FSHR: variants seen among roughly 807,000 people sequenced by gnomAD.
The protein encoded by FSHR is follicle-stimulating hormone receptor.
A neutral mutation model predicts 52.1 loss-of-function variants in FSHR; 46 were observed. The ratio of observed to expected loss-of-function variants is 0.88; its 90% CI spans 0.70 to 1.13. FSHR has a LOEUF of 1.13. Ranked by LOEUF, FSHR falls within the 50% of genes most tolerant of loss-of-function variation. The pLI is 0.00. For synonymous variants in FSHR, 399 were observed against 309.6 expected (o/e 1.29, Z -3.03); for missense variants, 964 against 834.6 (o/e 1.16, Z -1.91).
At position 49,066,699 on chromosome 2, in the gene FSHR, C is replaced by A. The variant is rs146108731; in HGVS notation, c.224+1520G>T. On this transcript the variant is annotated intron_variant, in intron 2 of 9. Transcript: ENST00000406846. ...TGTTGATATGTCAGCTCAGCTCAAC[C>A]ATTCGTATTGCCACAGGAAGGTTTG... Among the ~76,000 whole-genome samples the A allele has an allele frequency of 2.0e-5, 3 of 152,208 alleles. No homozygotes were observed. In the East Asian group the frequency reaches 5.8e-4, roughly 29 times the overall value.
At chr2:49,140,020 G>A (rs371305742) in intron 1 of FSHR, among the ~76,000 whole-genome samples, 1 of 152,158 alleles carries the variant, frequency 6.6e-6, no homozygotes, top group Non-Finnish European at 1.5e-5. Context: ...GGGGGCAACT[G>A]AGCCAGCTTA....
chr2:48,989,076 T>C (rs1404799583), intron 5 of FSHR, 22 bp from the exon 6 acceptor site: 6 of 1,589,116 alleles, frequency 3.8e-6, no homozygotes, highest in Non-Finnish European at 5.2e-6. Context: ...TACAGACAAA[T>C]AAGATACTTA....
At chr2:49,049,824 AATAT>A (rs5831020) in intron 2 of FSHR, among the ~76,000 whole-genome samples, 7,794 of 144,790 alleles carry the variant, frequency 0.054, 852 homozygotes, top group African/African-American at 0.2. Context: ...CCCCTACTCT[AATAT>A]ATATATATAT....
chr2:48,997,528 G>T (rs1676075824), intron 4 of FSHR, among the ~76,000 whole-genome samples: 1 of 151,802 alleles, frequency 6.6e-6, no homozygotes, highest in South Asian at 2.1e-4. Context: ...GGTGCCAGAT[G>T]GTCTGGTTTC....
chr2:49,061,182 C>G (rs1187332950), intron 2 of FSHR, among the ~76,000 whole-genome samples: 1 of 152,076 alleles, frequency 6.6e-6, no homozygotes, highest in Non-Finnish European at 1.5e-5. Context: ...ACATCTAATC[C>G]TGCCAAGGAG....
intron 1 of FSHR, among the ~76,000 whole-genome samples, chr2:49,128,385 A>G (rs184352037): frequency 4.1e-4 from 63 of 152,320 alleles, no homozygotes; most frequent in Admixed American, 6.5e-5. Context: ...AGCTTGAAAA[A>G]GATTTTACTA....
At chr2:48,981,397 G>A (rs2104059089) in intron 8 of FSHR, among the ~76,000 whole-genome samples, 1 of 152,302 alleles carries the variant, frequency 6.6e-6, no homozygotes, top group Admixed American at 6.5e-5. Context: ...TTATGTGTGT[G>A]TGTGTGTTTT....
chr2:49,127,628 T>G (rs1672054922), intron 1 of FSHR, among the ~76,000 whole-genome samples: 1 of 151,816 alleles, frequency 6.6e-6, no homozygotes, highest in African/African-American at 2.4e-5. Flanking sequence ...CGATGAAGCT[T>G]TCCTTCTCTG....
intron 2 of FSHR, among the ~76,000 whole-genome samples, chr2:49,046,655 A>G (rs1668668647): frequency 6.6e-6 from 1 of 152,194 alleles, no homozygotes; most frequent in Admixed American, 6.5e-5. Context: ...CTTCATCTTT[A>G]TTGCTCACAG....
At chr2:48,978,813 C>A (rs1675109052) in intron 8 of FSHR, among the ~76,000 whole-genome samples, 1 of 152,204 alleles carries the variant, frequency 6.6e-6, no homozygotes, top group African/African-American at 2.4e-5. Context: ...CCCTTGCACC[C>A]TCAGGTGTTC....
chr2:48,979,214 G>A (rs1675127581), intron 8 of FSHR, among the ~76,000 whole-genome samples: 1 of 152,080 alleles, frequency 6.6e-6, no homozygotes, highest in Admixed American at 6.5e-5. Context: ...GGAGTCCAAG[G>A]CAGGAGAATA....
chr2:48,995,187 C>G (rs141301982), intron 4 of FSHR, among the ~76,000 whole-genome samples: 95 of 152,252 alleles, frequency 6.2e-4, no homozygotes, highest in African/African-American at 2.1e-3. Context: ...AATAAAATCT[C>G]TGTTTTATCC....
At chr2:49,063,234 C>T (rs1202249439) in intron 2 of FSHR, among the ~76,000 whole-genome samples, 1 of 151,970 alleles carries the variant, frequency 6.6e-6, no homozygotes, top group South Asian at 2.1e-4. Flanking sequence ...TTTGGAAAAA[C>T]CCTAAATTAA....
intron 1 of FSHR, among the ~76,000 whole-genome samples, chr2:49,102,026 G>T (rs1024289394): frequency 3.3e-5 from 5 of 152,036 alleles, no homozygotes; most frequent in African/African-American, 1.2e-4. Flanking sequence ...ACCACATTGG[G>T]GATTAAATTT....
rs758079218 is a variant in FSHR, at chr2:49,154,289, G to T, written c.129C>A (p.Asp43Glu). 6.2e-7 allele frequency: 1 copy of T among 1,613,898 alleles called. No individual in the cohort carries two copies. The highest frequency in any genetic ancestry group is 8.5e-7 in the Non-Finnish European group (1 of 1,179,898). ...QESKVTEIPS[D>E]LPRNAIELRF... ...ACAGTTCAATGGCATTCCTCGGGAG[G>T]TCAGAAGGAATCTCTGTCACCTTGC... Residue 43 changes from aspartate (D) to glutamate (E), a missense_variant, in exon 1 of 10, where the codon GAC becomes GAA. Asp to Glu is a conservative substitution (Grantham distance 45). Coordinates refer to ENST00000406846, the MANE Select transcript of FSHR (RefSeq NM_000145.4).
At chr2:49,075,820 G>T (rs1572710804) in intron 1 of FSHR, among the ~76,000 whole-genome samples, 1 of 149,192 alleles carries the variant, frequency 6.7e-6, no homozygotes, top group Admixed American at 6.7e-5. Flanking sequence ...GGGTTTTTTT[G>T]GGAGAGACAG....
rs556259717 is a variant in FSHR, at chr2:48,992,836, C to T, written c.375-2199G>A. 3.3e-5 allele frequency among the ~76,000 whole-genome samples: 5 copies of T among 152,244 alleles called. No homozygotes were observed. In the East Asian group the frequency reaches 9.7e-4, roughly 29 times the overall value. On this transcript the variant is annotated intron_variant, in intron 4 of 9. Transcript: ENST00000406846. ...CATGCTGTCTTCATTTTCTCATATC[C>T]CATCGATCTTCAACCTGCTCCAATC... is the stretch of plus-strand genomic sequence containing the variant.
At chr2:49,136,909 C>T (rs149115809) in intron 1 of FSHR, among the ~76,000 whole-genome samples, 3 of 152,194 alleles carry the variant, frequency 2.0e-5, no homozygotes, top group East Asian at 3.9e-4. Flanking sequence ...TAACATCACA[C>T]GTATTGGTGA....
At chr2:49,132,986 A>AAAAAAAAAAAAAAAAAAAG (rs1672343708) in intron 1 of FSHR, among the ~76,000 whole-genome samples, 3 of 149,596 alleles carry the variant, frequency 2.0e-5, no homozygotes, top group African/African-American at 7.4e-5. Flanking sequence ...AAAAAAAAAA[A>AAAAAAAAAAAAAAAAAAAG]AAAAAAAAAG....
Sources: allele counts gnomAD v4.1 joint callset (sites outside exome capture counted in the v4.1 genomes callset), GRCh38; gene constraint gnomAD v4.1.1; transcripts MANE v1.5; gene names NCBI Gene and HGNC (gene_info 2026-07-23, HGNC 2026-07-21).